Variants in CDH8 observed in about 807,000 individuals in gnomAD.
The protein encoded by CDH8 is cadherin 8.
CDH8 carries 17 observed loss-of-function variants against 68.1 expected under a neutral mutation model. The observed-to-expected ratio is 0.25, with a 90% CI of 0.17 to 0.37. CDH8 has a LOEUF of 0.37. Among genes scored for constraint, CDH8 ranks in the 10% least tolerant of loss-of-function variants. The pLI is 1.00. For missense variants in CDH8, 763 were observed against 999.3 expected (o/e 0.76, Z 3.19); for synonymous variants, 372 against 365.1 (o/e 1.02, Z -0.21).
chr16:61,794,235 CT>C (rs910096343), intron 7 of CDH8, among the ~76,000 whole-genome samples: 2 of 151,852 alleles, frequency 1.3e-5, no homozygotes, highest in Admixed American at 1.3e-4. Context: ...TTTCTTTAGG[CT>C]GCCAGGAGAG....
At chr16:61,695,560 G>T (rs1266728374) in intron 10 of CDH8, among the ~76,000 whole-genome samples, 1 of 152,078 alleles carries the variant, frequency 6.6e-6, no homozygotes. Context: ...ATGTTTACCT[G>T]GTCTCTAATC....
intron 10 of CDH8, among the ~76,000 whole-genome samples, chr16:61,666,437 T>C (rs1037926147): frequency 6.6e-6 from 1 of 152,038 alleles, no homozygotes; most frequent in Non-Finnish European, 1.5e-5. Flanking sequence ...CTATTTGTTT[T>C]AGTGTACTTC....
intron 10 of CDH8, among the ~76,000 whole-genome samples, chr16:61,702,044 A>G (rs1258739223): frequency 6.6e-6 from 1 of 152,166 alleles, no homozygotes; most frequent in Non-Finnish European, 1.5e-5. Flanking sequence ...TTAGCCCAAT[A>G]CAAGAGACAC....
At chr16:61,662,982 G>A (rs1596842375) in intron 10 of CDH8, among the ~76,000 whole-genome samples, 2 of 152,094 alleles carry the variant, frequency 1.3e-5, no homozygotes, top group South Asian at 4.2e-4. Context: ...ATTTTCAGGA[G>A]CTTGCTTTAT....
intron 3 of CDH8, among the ~76,000 whole-genome samples, chr16:61,870,192 T>C (rs140688152): frequency 1.4e-4 from 22 of 152,318 alleles, no homozygotes; most frequent in African/African-American, 5.3e-4. Context: ...AATTTCCAAT[T>C]TACCAAGTTC....
chr16:61,751,810 T>C (rs1960174208), intron 8 of CDH8, among the ~76,000 whole-genome samples: 1 of 152,146 alleles, frequency 6.6e-6, no homozygotes, highest in Non-Finnish European at 1.5e-5. Flanking sequence ...TATTTGAAGA[T>C]GTCTAAGAAA....
chr16:61,824,925 G>T, intron 5 of CDH8, 87 bp downstream of exon 5: 1 of 1,175,386 alleles, frequency 8.5e-7, no homozygotes. Context: ...TTGCTGTCAG[G>T]TTTTTAATTA....
intron 2 of CDH8, among the ~76,000 whole-genome samples, chr16:61,961,649 C>T (rs557336016): frequency 2.6e-5 from 4 of 152,212 alleles, no homozygotes; most frequent in Admixed American, 6.5e-5. Flanking sequence ...TAATAAATAG[C>T]ACACCCACAA....
intron 2 of CDH8, among the ~76,000 whole-genome samples, chr16:61,992,505 TGGGTGCA>T (rs1965743468): frequency 1.3e-5 from 2 of 150,046 alleles, no homozygotes; most frequent in Non-Finnish European, 3.0e-5. Flanking sequence ...GACGAGTTAA[TGGGTGCA>T]GCACACCAGC....
chr16:61,755,284 C>A (rs1205189903), intron 8 of CDH8, among the ~76,000 whole-genome samples: 1 of 152,020 alleles, frequency 6.6e-6, no homozygotes, highest in East Asian at 1.9e-4. Flanking sequence ...TTATAATTAA[C>A]ATACGGAATA....
At chr16:61,796,401 A>G (rs16963960) in intron 7 of CDH8, among the ~76,000 whole-genome samples, 4,721 of 152,194 alleles carry the variant, frequency 0.031, 234 homozygotes, top group African/African-American at 0.11. Context: ...GAAGAATAGC[A>G]TGCACATTGG....
intron 10 of CDH8, among the ~76,000 whole-genome samples, chr16:61,696,292 C>T (rs1320410290): frequency 2.6e-5 from 4 of 152,180 alleles, no homozygotes; most frequent in Admixed American, 2.6e-4. Flanking sequence ...AATCAAGTGG[C>T]TCCAGTGGAA....
At chr16:61,985,784 C>T (rs946667516) in intron 2 of CDH8, among the ~76,000 whole-genome samples, 7 of 152,066 alleles carry the variant, frequency 4.6e-5, no homozygotes, top group Non-Finnish European at 8.8e-5. Context: ...TGAGCCACCA[C>T]GCCTGGCCTG....
At chr16:61,710,024 G>T (rs2142863551) in intron 10 of CDH8, among the ~76,000 whole-genome samples, 1 of 152,224 alleles carries the variant, frequency 6.6e-6, no homozygotes, top group Non-Finnish European at 1.5e-5. Context: ...ACCTGGCTGA[G>T]AATGATAAGC....
chr16:62,027,910 C>T (rs1022284243), intron 1 of CDH8, among the ~76,000 whole-genome samples: 6 of 152,138 alleles, frequency 3.9e-5, no homozygotes, highest in African/African-American at 1.2e-4. Flanking sequence ...CACACATACA[C>T]GTGCACATAT....
At chr16:61,666,087 T>C (rs1205128538) in intron 10 of CDH8, among the ~76,000 whole-genome samples, 1 of 151,890 alleles carries the variant, frequency 6.6e-6, no homozygotes, top group Non-Finnish European at 1.5e-5. Context: ...AAATCGTCCC[T>C]TTTTCCGGCA....
chr16:61,756,989 G>A (rs1189863936), intron 8 of CDH8, among the ~76,000 whole-genome samples: 5 of 152,174 alleles, frequency 3.3e-5, no homozygotes, highest in South Asian at 4.1e-4. Flanking sequence ...TTGAGTTCTC[G>A]ATTAAAATAT....
intron 2 of CDH8, among the ~76,000 whole-genome samples, chr16:61,957,125 T>G (rs1813737178): frequency 6.6e-6 from 1 of 152,130 alleles, no homozygotes; most frequent in Non-Finnish European, 1.5e-5. Context: ...TGATTCTTAA[T>G]TACACAATCA....
intron 2 of CDH8, among the ~76,000 whole-genome samples, chr16:61,991,147 C>G (rs1965713879): frequency 6.6e-6 from 1 of 152,014 alleles, no homozygotes; most frequent in African/African-American, 2.4e-5. Context: ...ATATGCATAC[C>G]CTAAACCAAC....
Sources: gnomAD v4.1 joint callset for allele counts (sites outside exome capture counted in the v4.1 genomes callset) on GRCh38, gnomAD v4.1.1 for gene constraint, MANE v1.5 for transcripts, NCBI Gene and HGNC (gene_info 2026-07-23, HGNC 2026-07-21) for gene names.